Variants in CTNNA2 observed in about 807,000 individuals in gnomAD.
CTNNA2 encodes the protein catenin alpha-2.
Under a neutral mutation model 101.0 loss-of-function variants are expected in CTNNA2, and 42 were observed. The observed-to-expected ratio is 0.42, with a 90% CI of 0.32 to 0.54. The LOEUF is 0.54. Ranked by LOEUF, CTNNA2 falls within the 20% of genes least tolerant of loss-of-function variation. CTNNA2 has a pLI of 0.14. For missense variants in CTNNA2, 871 were observed against 1,223.1 expected (o/e 0.71, Z 4.29); for synonymous variants, 450 against 456.4 (o/e 0.99, Z 0.18).
intron 9 of CTNNA2, among the ~76,000 whole-genome samples, chr2:80,538,425 T>C (rs1254037240): frequency 6.6e-6 from 1 of 152,194 alleles, no homozygotes; most frequent in Non-Finnish European, 1.5e-5. Flanking sequence ...AGGGGTCCAG[T>C]TTCTGTTTTC....
At chr2:80,260,658 G>A (rs537566570) in intron 7 of CTNNA2, among the ~76,000 whole-genome samples, 29 of 152,264 alleles carry the variant, frequency 1.9e-4, no homozygotes, top group African/African-American at 6.7e-4. Flanking sequence ...TGCATGGATA[G>A]GCCAGAGACT....
intron 9 of CTNNA2, among the ~76,000 whole-genome samples, chr2:80,449,540 G>T (rs1164065490): frequency 6.6e-6 from 1 of 151,994 alleles, no homozygotes; most frequent in Non-Finnish European, 1.5e-5. Flanking sequence ...CCTCCTCTTG[G>T]TACATGTTAA....
At chr2:79,892,613 C>T (rs771991816) in intron 6 of CTNNA2, among the ~76,000 whole-genome samples, 8 of 152,202 alleles carry the variant, frequency 5.3e-5, no homozygotes, top group Middle Eastern at 3.4e-3. Flanking sequence ...TGTATTTTAT[C>T]CCCAGTAGGG....
intron 7 of CTNNA2, among the ~76,000 whole-genome samples, chr2:80,131,105 T>G (rs1702392309): frequency 6.6e-6 from 1 of 152,142 alleles, no homozygotes. Context: ...TCGCCCAGGT[T>G]GGAGTGCAGT....
intron 7 of CTNNA2, among the ~76,000 whole-genome samples, chr2:80,218,564 T>C (rs983767717): frequency 1.3e-5 from 2 of 152,256 alleles, no homozygotes; most frequent in African/African-American, 4.8e-5. Flanking sequence ...AGCTCTGATA[T>C]GATTAGCTCT....
chr2:79,806,374 G>C (rs72914641), intron 3 of CTNNA2, among the ~76,000 whole-genome samples: 4 of 152,086 alleles, frequency 2.6e-5, no homozygotes, highest in Non-Finnish European at 5.9e-5. Flanking sequence ...CAGACGACTT[G>C]CACAAACATC....
chr2:79,300,946 C>A (rs4144316), intron 2 of CTNNA2, among the ~76,000 whole-genome samples: 1 of 152,182 alleles, frequency 6.6e-6, no homozygotes, highest in African/African-American at 2.4e-5. Context: ...CTGTCTCACA[C>A]TTTGACCTGT....
intron 1 of CTNNA2, among the ~76,000 whole-genome samples, chr2:79,610,382 T>C (rs960832958): frequency 5.9e-5 from 9 of 152,138 alleles, no homozygotes; most frequent in African/African-American, 1.9e-4. Flanking sequence ...AAGTTAAATA[T>C]ACATCTACCA....
At chr2:80,288,946 T>C (rs1159120691) in intron 7 of CTNNA2, 1 of 152,190 alleles carries the variant, frequency 6.6e-6, no homozygotes, top group South Asian at 2.1e-4. Context: ...CCAAGAACAC[T>C]GTTTCTCATG....
At chr2:80,250,246 T>A (rs1244008758) in intron 7 of CTNNA2, among the ~76,000 whole-genome samples, 1 of 148,936 alleles carries the variant, frequency 6.7e-6, no homozygotes, top group Non-Finnish European at 1.5e-5. Flanking sequence ...TTGAAATAAG[T>A]TGGTGACATG....
chr2:79,708,067 A>C (rs1573746170), intron 2 of CTNNA2, among the ~76,000 whole-genome samples: 1 of 152,342 alleles, frequency 6.6e-6, no homozygotes, highest in East Asian at 1.9e-4. Flanking sequence ...GCAGTAATAA[A>C]ACATTCTAAA....
rs116744114 is a variant in CTNNA2, at chr2:80,559,891, T to C, written c.1741+3998T>C. On this transcript the variant is annotated intron_variant, in intron 12 of 18. Transcript: ENST00000402739. Reference sequence around the variant, plus strand: ...GCGATATCATATTTATATATATATATACACACACATACAGTAGCTCATTCT... The same window carrying C: ...GCGATATCATATTTATATATATATACACACACACATACAGTAGCTCATTCT... Among the ~76,000 whole-genome samples, 28 of 146,886 alleles carry C rather than the reference T, an allele frequency of 1.9e-4. 1 individual carries two copies. The highest frequency in any genetic ancestry group is 7.8e-4 in the East Asian group (4 of 5,124).
At chr2:80,426,615 G>C (rs904314658) in intron 9 of CTNNA2, among the ~76,000 whole-genome samples, 1 of 152,072 alleles carries the variant, frequency 6.6e-6, no homozygotes, top group African/African-American at 2.4e-5. Flanking sequence ...TAATTTCCCT[G>C]CCTGAGGCCA....
chr2:79,726,675 G>A (rs1227039078), intron 2 of CTNNA2, among the ~76,000 whole-genome samples: 2 of 152,148 alleles, frequency 1.3e-5, no homozygotes, highest in Non-Finnish European at 2.9e-5. Flanking sequence ...TGTAATGGGA[G>A]AATAATAATG....
chr2:79,824,116 A>G (rs1381990621), intron 3 of CTNNA2, among the ~76,000 whole-genome samples: 1 of 152,202 alleles, frequency 6.6e-6, no homozygotes, highest in Non-Finnish European at 1.5e-5. Context: ...TTAGCAGTCT[A>G]CCGTGCTTCA....
At chr2:79,352,541 G>C (rs1677414869) in intron 3 of CTNNA2, among the ~76,000 whole-genome samples, 1 of 151,940 alleles carries the variant, frequency 6.6e-6, no homozygotes, top group African/African-American at 2.4e-5. Flanking sequence ...ACTAACTTTT[G>C]TTTGCATTGT....
intron 4 of CTNNA2, among the ~76,000 whole-genome samples, chr2:79,456,277 A>G (rs1670819440): frequency 6.6e-6 from 1 of 151,852 alleles, no homozygotes; most frequent in Non-Finnish European, 1.5e-5. Flanking sequence ...TGCTCATTAA[A>G]GACTCCTACA....
At chr2:79,697,117 G>T (rs183788660) in intron 2 of CTNNA2, among the ~76,000 whole-genome samples, 227 of 152,042 alleles carry the variant, frequency 1.5e-3, no homozygotes, top group African/African-American at 5.1e-3. Context: ...AGAACAGAGG[G>T]CATATCAATA....
At chr2:80,186,003 G>T (rs1344987125) in intron 7 of CTNNA2, among the ~76,000 whole-genome samples, 2 of 152,198 alleles carry the variant, frequency 1.3e-5, no homozygotes, top group Non-Finnish European at 2.9e-5. Context: ...TGAGCCAATT[G>T]TTGTGGAGAT....
Sources: gnomAD v4.1 joint callset for allele counts (sites outside exome capture counted in the v4.1 genomes callset) on GRCh38, gnomAD v4.1.1 for gene constraint, MANE v1.5 for transcripts, NCBI Gene and HGNC (gene_info 2026-07-23, HGNC 2026-07-21) for gene names.